NTNG2: variants seen among roughly 807,000 people sequenced by gnomAD.
The protein encoded by NTNG2 is netrin-G2.
Under a neutral mutation model 47.6 loss-of-function variants are expected in NTNG2, and 15 were observed. That is an observed-to-expected ratio of 0.32 (90% CI 0.21 to 0.49). The LOEUF (loss-of-function observed/expected upper bound fraction) is 0.49. Ranked by LOEUF, NTNG2 falls within the 20% of genes least tolerant of loss-of-function variation. NTNG2 has a pLI of 0.99. For synonymous variants in NTNG2, 307 were observed against 324.6 expected, an observed-to-expected ratio of 0.95 and a Z score of 0.58; for missense variants, 578 against 764.6, an observed-to-expected ratio of 0.76 and a Z score of 2.88.
Position 132,162,970 on chromosome 9 carries a change from C to G in NTNG2, c.-484+731C>G, listed in dbSNP as rs1835194192. ...CGCGGGCTCGCGGGGTCCGCCCGCT[C>G]CGGAGTAAGTTGGCCGTCTGGGCTG... On this transcript the variant is annotated intron_variant, in intron 1 of 7. Coordinates refer to ENST00000393229, the MANE Select transcript of NTNG2 (RefSeq NM_032536.4). This position sits in a 1 kb window ranked among gnomAD's most constrained non-coding sequence, Gnocchi z 4.6. Among the ~76,000 whole-genome samples the G allele has an allele frequency of 6.6e-6, 1 of 152,062 alleles. No individual in the cohort carries two copies. The highest frequency in any genetic ancestry group is 1.5e-5 in the Non-Finnish European group (1 of 67,996).
chr9:132,226,758 G>A lies in NTNG2; in HGVS notation c.858-91G>A. ...TCCTGGGCAGCCCAACACCCTCCTG[G>A]GCCCCTCCTGGGAGGCGCTCCTTTC... is the stretch of plus-strand genomic sequence containing the variant. On this transcript the variant is annotated intron_variant, in intron 3 of 7. Transcript: ENST00000393229. The surrounding 1 kb of genome is among the most constrained non-coding windows in gnomAD (Gnocchi z 4.8). 1.7e-6 allele frequency: 2 copies of A among 1,207,896 alleles called. No homozygotes were observed. The highest frequency in any genetic ancestry group is 2.2e-6 in the Non-Finnish European group (2 of 889,090). The allele number at this position is 1,207,896 out of a possible 1,614,324, so 74.8% of individuals were successfully genotyped here.
chr9:132,222,986 C>T (rs1229039107), intron 3 of NTNG2, among the ~76,000 whole-genome samples: 4 of 152,116 alleles, frequency 2.6e-5, no homozygotes, highest in South Asian at 2.1e-4. Flanking sequence ...TGGTGGCACG[C>T]GACTGTGGTC....
chr9:132,184,304 T>A (rs1212047528), intron 2 of NTNG2, among the ~76,000 whole-genome samples: 13 of 152,214 alleles, frequency 8.5e-5, no homozygotes, highest in Admixed American at 8.5e-4. Context: ...TAAGACCTGG[T>A]TCTGAGTATG....
chr9:132,199,815 G>A (rs1273511050), intron 3 of NTNG2, among the ~76,000 whole-genome samples: 1 of 152,188 alleles, frequency 6.6e-6, no homozygotes, highest in Admixed American at 6.5e-5. Flanking sequence ...GGACAACCCA[G>A]GCCTGCTGTG....
chr9:132,198,510 G>T lies in NTNG2; in HGVS notation c.758G>T (p.Arg253Leu), dbSNP rs552481499. ...GAGTTCTTCACCCTCACCGACCTGC[G>T]CATGCGGCTGCTGCGCCCGGCGCTG... ...LKEFFTLTDL[R>L]MRLLRPALGG... The change falls in exon 3 of 8, where the codon CGC becomes CTC. Residue 253 changes from arginine to leucine, a missense_variant. Transcript: ENST00000393229. 3.7e-6 allele frequency: 6 copies of T among 1,613,100 alleles called. No individual in the cohort carries two copies. Among genetic ancestry groups the T allele is most frequent in the East Asian group, 2.2e-5 (1 of 44,882 alleles).
intron 3 of NTNG2, among the ~76,000 whole-genome samples, chr9:132,224,840 A>G (rs1840619081): frequency 6.6e-6 from 1 of 152,194 alleles, no homozygotes; most frequent in African/African-American, 2.4e-5. Context: ...TGCAGTTACC[A>G]ACTAGTGAAT....
Position 132,162,148 on chromosome 9 carries a change from C to T in NTNG2, c.-575C>T, listed in dbSNP as rs919472893. ...GCAGCCCTCGGCCCGCGCCCCCACC[C>T]AGCGCCAGCCCGAGGGGGGAGGCGC... is the stretch of plus-strand genomic sequence containing the variant. On this transcript the variant is annotated 5_prime_UTR_variant, in exon 1 of 8. Coordinates refer to ENST00000393229, the MANE Select transcript of NTNG2 (RefSeq NM_032536.4). The surrounding 1 kb of genome is among the most constrained non-coding windows in gnomAD (Gnocchi z 4.6). The T allele has an allele frequency of 1.3e-5, 2 of 152,222 alleles. No individual in the cohort carries two copies. Among genetic ancestry groups the T allele is most frequent in the Non-Finnish European group, 3.0e-5 (2 of 67,672 alleles). The allele number at this position is 152,222 out of a possible 1,614,324, so 9.4% of individuals were successfully genotyped here. A position where few individuals can be genotyped will look rare whatever the true frequency, so the allele number is the denominator to read the frequency against.
chr9:132,199,803 G>A (rs1564410961), intron 3 of NTNG2, among the ~76,000 whole-genome samples: 1 of 152,230 alleles, frequency 6.6e-6, no homozygotes, highest in Non-Finnish European at 1.5e-5. Flanking sequence ...TGTGCAGGGT[G>A]TGGACAACCC....
chr9:132,206,953 G>A (rs73561592), intron 3 of NTNG2, among the ~76,000 whole-genome samples: 7,923 of 152,328 alleles, frequency 0.052, 613 homozygotes, highest in African/African-American at 0.17. Context: ...GTCTCCTCTG[G>A]TCTTTGGCTC....
Position 132,197,200 on chromosome 9 carries a change from C to A in NTNG2, c.214-766C>A, listed in dbSNP as rs2130718409. Among the ~76,000 whole-genome samples the A allele has an allele frequency of 6.6e-6, 1 of 152,244 alleles. No individual in the cohort carries two copies. The highest frequency in any genetic ancestry group is 2.1e-4 in the South Asian group (1 of 4,824). ...AGGTCAGAGTTCGAGACCAGCCTGG[C>A]CAACATGGCGAAACCCTGTCTCTAC... On this transcript the variant is annotated intron_variant, in intron 2 of 7. Transcript: ENST00000393229. This position sits in a 1 kb window ranked among gnomAD's most constrained non-coding sequence, Gnocchi z 4.3.
chr9:132,203,322 A>G (rs1030707478), intron 3 of NTNG2, among the ~76,000 whole-genome samples: 3 of 152,148 alleles, frequency 2.0e-5, no homozygotes, highest in Non-Finnish European at 4.4e-5. Context: ...CCTGGGTGAC[A>G]GAGAGAGATC....
intron 2 of NTNG2, among the ~76,000 whole-genome samples, chr9:132,189,553 C>A (rs1837700262): frequency 6.6e-6 from 1 of 152,136 alleles, no homozygotes; most frequent in South Asian, 2.1e-4. Context: ...CTCGAATGAG[C>A]CTCATGTCCT....
intron 5 of NTNG2, among the ~76,000 whole-genome samples, chr9:132,234,574 T>C (rs1167789016): frequency 6.6e-6 from 1 of 152,216 alleles, no homozygotes; most frequent in Non-Finnish European, 1.5e-5. Context: ...AGAGTCCAGC[T>C]GGGCCTCTGA....
In NTNG2 at chr9:132,182,190, T is replaced by C. The variant is rs1173086175; in HGVS notation, c.213+15146T>C. ...AGCGAGCGTGCTCCCACGCACCAGC[T>C]CTGGGGAAGGCGAGATGGCTTTGCC... On this transcript the variant is annotated intron_variant, in intron 2 of 7. Coordinates refer to ENST00000393229, the MANE Select transcript of NTNG2 (RefSeq NM_032536.4). This position sits in a 1 kb window ranked among gnomAD's most constrained non-coding sequence, Gnocchi z 4.2. 6.6e-6 allele frequency among the ~76,000 whole-genome samples: 1 copy of C among 152,260 alleles called. No individual in the cohort carries two copies. Among genetic ancestry groups the C allele is most frequent in the Non-Finnish European group, 1.5e-5 (1 of 68,048 alleles).
intron 5 of NTNG2, among the ~76,000 whole-genome samples, chr9:132,237,995 C>T (rs1841746956): frequency 6.6e-6 from 1 of 152,222 alleles, no homozygotes; most frequent in Non-Finnish European, 1.5e-5. Flanking sequence ...TTTCTCTAGT[C>T]TCCCATGCCC....
chr9:132,168,787 G>A (rs967159563), intron 2 of NTNG2, among the ~76,000 whole-genome samples: 62 of 152,138 alleles, frequency 4.1e-4, no homozygotes, highest in African/African-American at 1.3e-3. Flanking sequence ...TTAGAGTCTC[G>A]ACTGTATTTT....
chr9:132,236,950 A>C lies in NTNG2; in HGVS notation c.1055-2154A>C, dbSNP rs912971874. The stretch of plus-strand genomic sequence containing the variant: ...AAGGAAGGGAGATGCCAAAGTCCTT[A>C]AATGCCAAGTTTAGTCTCTGGGTTT... On this transcript the variant is annotated intron_variant, in intron 5 of 7. Transcript: ENST00000393229. This position sits in a 1 kb window ranked among gnomAD's most constrained non-coding sequence, Gnocchi z 4.3. Among the ~76,000 whole-genome samples, 2 of 152,234 alleles carry C rather than the reference A, an allele frequency of 1.3e-5. No homozygotes were observed. The highest frequency in any genetic ancestry group is 2.9e-5 in the Non-Finnish European group (2 of 68,048).
intron 2 of NTNG2, among the ~76,000 whole-genome samples, chr9:132,189,266 T>G (rs1837676467): frequency 6.6e-6 from 1 of 151,468 alleles, no homozygotes; most frequent in African/African-American, 2.4e-5. Context: ...TTTTTTGAGG[T>G]TTTTTTCTGT....
At chr9:132,192,952 C>T (rs1252952285) in intron 2 of NTNG2, among the ~76,000 whole-genome samples, 6 of 152,220 alleles carry the variant, frequency 3.9e-5, no homozygotes, top group African/African-American at 1.2e-4. Context: ...CGGAGTGCCC[C>T]ATAGGTTGGA....
Sources: gnomAD v4.1 joint callset for allele counts (sites outside exome capture counted in the v4.1 genomes callset) on GRCh38, gnomAD v4.1.1 for gene constraint, Gnocchi (gnomAD v3.1) non-coding constraint, MANE v1.5 for transcripts, NCBI Gene and HGNC (gene_info 2026-07-23, HGNC 2026-07-21) for gene names.